The following APBB3 variants were observed in gnomAD, a reference collection of about 807,000 sequenced individuals.
The protein encoded by APBB3 is amyloid beta precursor protein binding family B member 3.
APBB3 carries 50 observed loss-of-function variants against 61.5 expected under a neutral mutation model. That is an observed-to-expected ratio of 0.81 (90% confidence interval 0.65 to 1.03). The LOEUF is 1.03. Ranked by LOEUF, APBB3 falls within the 50% of genes least tolerant of loss-of-function variation. APBB3 has a pLI of 0.00. For missense variants in APBB3, 550 were observed against 637.4 expected (o/e 0.86, Z 1.48); for synonymous variants, 235 against 233.0 (o/e 1.01, Z -0.08).
chr5:140,563,232 G>A (rs1353118463), intron 3 of APBB3: 1 of 320,914 alleles, frequency 3.1e-6, no homozygotes, highest in Non-Finnish European at 5.8e-6. Flanking sequence ...ATGACAGAGT[G>A]AGACTCCATC....
At chr5:140,561,565 C>T (rs1274939100) in intron 8 of APBB3, 22 bp downstream of exon 8, 2 of 1,613,862 alleles carry the variant, frequency 1.2e-6, no homozygotes, top group African/African-American at 2.7e-5. Context: ...CCCACATTCC[C>T]TGCCCCACCC....
At position 140,562,689 on chromosome 5, in the gene APBB3, T is replaced by G; in HGVS notation, c.325A>C (p.Ile109Leu). ...TTAGCCCCTGGCTCCATGCTCTGGATGTAGGATTCCCCACCATACCAGGAC... is the reference window on the plus strand; with the variant it reads ...TTAGCCCCTGGCTCCATGCTCTGGAGGTAGGATTCCCCACCATACCAGGAC... The part of the protein sequence containing the change: ...SLSWYGGESY[I>L]QSMEPGAKCF... The change falls in exon 4 of 13, where the codon ATC becomes CTC. Residue 109 changes from isoleucine to leucine, a missense_variant. By Grantham distance (5) the Ile-to-Leu change is conservative (BLOSUM62 2). Around this residue, in one of 3 missense-constraint regions of APBB3, gnomAD observed 405 missense variants for 483.4 expected, o/e 0.84. Coordinates refer to ENST00000357560, the MANE Select transcript of APBB3 (RefSeq NM_133173.3). The G allele has an allele frequency of 6.2e-7, 1 of 1,614,230 alleles. No individual in the cohort carries two copies. The highest frequency in any genetic ancestry group is 8.5e-7 in the Non-Finnish European group (1 of 1,180,042).
At chr5:140,562,067 T>G (rs746957538) in intron 6 of APBB3, 33 bp downstream of exon 6, 32 of 1,612,906 alleles carry the variant, frequency 2.0e-5, no homozygotes, top group Non-Finnish European at 2.7e-5. Flanking sequence ...GAGGGAGAAG[T>G]AGCTCTTGCT....
chr5:140,563,555 G>A, intron 3 of APBB3, 39 bp downstream of exon 3: 1 of 1,611,802 alleles, frequency 6.2e-7, no homozygotes, highest in Non-Finnish European at 8.5e-7. Flanking sequence ...GAACACCATG[G>A]AACCCCAAGC....
At position 140,562,460 on chromosome 5, in the gene APBB3, C is replaced by CAGGT. The variant is rs1201785159; in HGVS notation, c.387_390dup (p.Glu131ThrfsTer2). 2.5e-6 allele frequency: 4 copies of CAGGT among 1,614,074 alleles called. No homozygotes were observed. Among genetic ancestry groups the CAGGT allele is most frequent in the Non-Finnish European group, 3.4e-6 (4 of 1,180,042 alleles). On this transcript the variant is annotated frameshift_variant, in exon 5 of 13. Transcript: ENST00000357560. LOFTEE classifies it high-confidence loss of function. ...CTCTTCCCCGGTGCCAGGTCCTCTT[C>CAGGT]AGGTACCTCTACCCAGCCCAGAGAG...
Position 140,558,547 on chromosome 5 carries a change from G to A in APBB3, c.*38C>T. On this transcript the variant is annotated 3_prime_UTR_variant, in exon 13 of 13. Transcript: ENST00000357560. Reference sequence around the variant, plus strand: ...AATAAAACGGTACAGAGTTAGGCATGGACCCAGAGCCTACTTCCCCAGCCT... The same window carrying A: ...AATAAAACGGTACAGAGTTAGGCATAGACCCAGAGCCTACTTCCCCAGCCT... 6.3e-7 allele frequency: 1 copy of A among 1,591,338 alleles called. No homozygotes were observed. The highest frequency in any genetic ancestry group is 8.6e-7 in the Non-Finnish European group (1 of 1,159,074).
In APBB3 at chr5:140,558,538, G is replaced by A; in HGVS notation, c.*47C>T. The A allele has an allele frequency of 6.4e-7, 1 of 1,569,900 alleles. No homozygotes were observed. The highest frequency in any genetic ancestry group is 1.3e-5 in the African/African-American group (1 of 74,204). On this transcript the variant is annotated 3_prime_UTR_variant, in exon 13 of 13. Transcript: ENST00000357560. ...GCCTTGAGGAATAAAACGGTACAGAGTTAGGCATGGACCCAGAGCCTACTT... is the reference window on the plus strand; with the variant it reads ...GCCTTGAGGAATAAAACGGTACAGAATTAGGCATGGACCCAGAGCCTACTT...
At position 140,560,302 on chromosome 5, in the gene APBB3, C is replaced by T. The variant is rs182482720; in HGVS notation, c.1224+11G>A. 10 of 1,611,400 alleles carry T rather than the reference C, an allele frequency of 6.2e-6. No homozygotes were observed. The Admixed American group carries it at 1.3e-4, about 22-fold the overall frequency. On this transcript the variant is annotated intron_variant, in intron 12 of 12. Coordinates refer to ENST00000357560, the MANE Select transcript of APBB3 (RefSeq NM_133173.3). This position sits in a 1 kb window ranked among gnomAD's most constrained non-coding sequence, Gnocchi z 5.1. ...GGCAATCCCACCAACCCATTCCCAC[C>T]CATGACTCACCATACAGGCAGCCTG...
In APBB3 at chr5:140,560,850, G is replaced by A. The variant is rs537894447; in HGVS notation, c.917-96C>T. The A allele has an allele frequency of 4.7e-5, 66 of 1,409,758 alleles. No individual in the cohort carries two copies. The highest frequency in any genetic ancestry group is 6.5e-5 in the Non-Finnish European group (65 of 1,007,122). The allele number at this position is 1,409,758 out of a possible 1,614,324, so 87.3% of individuals were successfully genotyped here. ...CACTGATTTGGGATTCAGAGATAGG[G>A]AATAGGATAGCTGGGGCAAGCCTTA... On this transcript the variant is annotated intron_variant, in intron 10 of 12. Coordinates refer to ENST00000357560, the MANE Select transcript of APBB3 (RefSeq NM_133173.3). The surrounding 1 kb of genome is among the most constrained non-coding windows in gnomAD (Gnocchi z 5.1).
chr5:140,561,330 C>T, intron 9 of APBB3, 35 bp downstream of exon 9: 1 of 1,609,976 alleles, frequency 6.2e-7, no homozygotes. Flanking sequence ...ACCAAAGCAC[C>T]CCAATGCAGC....
chr5:140,560,909 G>T lies in APBB3; in HGVS notation c.916+109C>A. The stretch of plus-strand genomic sequence containing the variant: ...ATTTGGGAAGGCTGGTAGACCCCAG[G>T]CCATAACAAGGCCACGGGAGGACTC... On this transcript the variant is annotated intron_variant, in intron 10 of 12. Coordinates refer to ENST00000357560, the MANE Select transcript of APBB3 (RefSeq NM_133173.3). The surrounding 1 kb of genome is among the most constrained non-coding windows in gnomAD (Gnocchi z 5.1). 1 of 1,407,176 alleles carries T rather than the reference G, an allele frequency of 7.1e-7. No homozygotes were observed. Among genetic ancestry groups the T allele is most frequent in the Non-Finnish European group, 9.9e-7 (1 of 1,013,740 alleles). 87.2% of individuals were successfully genotyped at this position (1,407,176 alleles called of 1,614,324 possible). A position where few individuals can be genotyped will look rare whatever the true frequency, so the allele number is the denominator to read the frequency against.
chr5:140,564,295 G>C lies in APBB3; in HGVS notation c.-50C>G. On this transcript the variant is annotated 5_prime_UTR_variant, in exon 1 of 13. Transcript: ENST00000357560. The surrounding 1 kb of genome is among the most constrained non-coding windows in gnomAD (Gnocchi z 5.0). Reference sequence around the variant, plus strand: ...TCTGCCGGCCCGCACTCTCAGCCCAGCGCGACCTCTGGAGCTACTGCGCCT... The same window carrying C: ...TCTGCCGGCCCGCACTCTCAGCCCACCGCGACCTCTGGAGCTACTGCGCCT... 1 of 1,599,394 alleles carries C rather than the reference G, an allele frequency of 6.3e-7. No homozygotes were observed.
intron 3 of APBB3, 60 bp from the exon 4 acceptor site, chr5:140,562,783 G>T (rs922090325): frequency 6.4e-6 from 10 of 1,553,880 alleles, no homozygotes; most frequent in Admixed American, 5.1e-5. Flanking sequence ...CACTGGTGAG[G>T]CCTAGACAAC....
intron 12 of APBB3, among the ~76,000 whole-genome samples, 161 bp from the exon 13 acceptor site, chr5:140,558,982 A>G (rs1754830056): frequency 6.6e-6 from 1 of 152,192 alleles, no homozygotes; most frequent in African/African-American, 2.4e-5. Flanking sequence ...CTCAATAACA[A>G]AATCATAAAA....
rs1405203276 is a variant in APBB3 at position 140,560,111 on chromosome 5, G to A, written c.1224+202C>T. On this transcript the variant is annotated intron_variant, in intron 12 of 12. Transcript: ENST00000357560. This position sits in a 1 kb window ranked among gnomAD's most constrained non-coding sequence, Gnocchi z 5.1. ...ATATTTTAAGAAAAACAAGAATAGC[G>A]ATTATTATGTGAAATGTCCTGGCCT... 6.6e-6 allele frequency among the ~76,000 whole-genome samples: 1 copy of A among 152,214 alleles called. No homozygotes were observed. The highest frequency in any genetic ancestry group is 2.4e-5 in the African/African-American group (1 of 41,456).
intron 12 of APBB3, among the ~76,000 whole-genome samples, chr5:140,559,437 T>C (rs989715639): frequency 1.8e-4 from 28 of 152,300 alleles, no homozygotes; most frequent in Non-Finnish European, 3.4e-4. Flanking sequence ...TCCTAATCCA[T>C]AACCCTGACT....
Position 140,564,251 on chromosome 5 carries a change from C to G in APBB3, c.-6G>C. 1 of 1,609,508 alleles carries G rather than the reference C, an allele frequency of 6.2e-7. No homozygotes were observed. Among genetic ancestry groups the G allele is most frequent in the Non-Finnish European group, 8.5e-7 (1 of 1,179,976 alleles). On this transcript the variant is annotated 5_prime_UTR_variant, in exon 1 of 13. Transcript: ENST00000357560. This position sits in a 1 kb window ranked among gnomAD's most constrained non-coding sequence, Gnocchi z 5.0. Reference sequence around the variant, plus strand: ...ATGTAATCCTTGCCCAGCATAACCCCGGCTGCTCCCCGCCAGCCTCTGCCG... The same window carrying G: ...ATGTAATCCTTGCCCAGCATAACCCGGGCTGCTCCCCGCCAGCCTCTGCCG...
rs768312092 is a variant in APBB3, at chr5:140,560,406, G to A, written c.1131C>T (p.Ile377=). ...GGAAGCTCTGACGGCCCAGGTCAGC[G>A]ATGAGGCCAAAGGTGTGTGGGTCGC... is the stretch of plus-strand genomic sequence containing the variant. ...VGRDPHTFGL[I]ADLGRQSFQC... Residue 377 remains isoleucine, a synonymous_variant, in exon 12 of 13, where the codon ATC becomes ATT. Transcript: ENST00000357560. The surrounding 1 kb of genome is among the most constrained non-coding windows in gnomAD (Gnocchi z 5.1). 25 of 1,614,196 alleles carry A rather than the reference G, an allele frequency of 1.5e-5. No homozygotes were observed. The highest frequency in any genetic ancestry group is 2.0e-5 in the Non-Finnish European group (24 of 1,180,042).
In APBB3 at chr5:140,564,001, A is replaced by C; in HGVS notation, c.50-86T>G. The stretch of plus-strand genomic sequence containing the variant: ...CTGTCATAATCCCCTCTCCATCCCC[A>C]AAATGGGTCAGTTCTTAGGCTGAAG... On this transcript the variant is annotated intron_variant, in intron 1 of 12. Transcript: ENST00000357560. This position sits in a 1 kb window ranked among gnomAD's most constrained non-coding sequence, Gnocchi z 5.0. 11 of 1,536,934 alleles carry C rather than the reference A, an allele frequency of 7.2e-6. No homozygotes were observed. Among genetic ancestry groups the C allele is most frequent in the Non-Finnish European group, 8.8e-6 (10 of 1,136,174 alleles).
Sources: gnomAD v4.1 joint callset for allele counts (sites outside exome capture counted in the v4.1 genomes callset) on GRCh38, gnomAD v4.1.1 for gene constraint, gnomAD v4.1.1 regional missense constraint, Gnocchi (gnomAD v3.1) non-coding constraint, MANE v1.5 for transcripts, NCBI Gene and HGNC (gene_info 2026-07-23, HGNC 2026-07-21) for gene names.